ITGBL1: variants seen among roughly 807,000 people sequenced by gnomAD.
ITGBL1 encodes the protein integrin beta-like protein 1.
Under a neutral mutation model 68.5 loss-of-function variants are expected in ITGBL1, and 51 were observed. That is an observed-to-expected ratio of 0.74 (90% CI 0.59 to 0.94). The LOEUF (loss-of-function observed/expected upper bound fraction) is 0.94, where lower values mean the gene tolerates loss of function less well. Among genes scored for constraint, ITGBL1 ranks in the 40% least tolerant of loss-of-function variants. The probability of loss-of-function intolerance (pLI) is 0.00; values close to 1 mark genes in which losing one functional copy is unlikely to be tolerated. For synonymous variants in ITGBL1, 209 were observed against 227.3 expected, an observed-to-expected ratio of 0.92 and a Z score of 0.72; for missense variants, 649 against 647.4, an observed-to-expected ratio of 1.00 and a Z score of -0.03.
chr13:101,533,734 A>T (rs1594871530), intron 2 of ITGBL1, among the ~76,000 whole-genome samples: 1 of 148,862 alleles, frequency 6.7e-6, no homozygotes, highest in Non-Finnish European at 1.5e-5. Flanking sequence ...TATGATTTCC[A>T]ATGCTGAAGT....
intron 2 of ITGBL1, among the ~76,000 whole-genome samples, chr13:101,485,807 A>AAAAC (rs2048694726): frequency 6.6e-6 from 1 of 152,104 alleles, no homozygotes; most frequent in Non-Finnish European, 1.5e-5. Context: ...AAAACAAAAC[A>AAAAC]AAAGAATGGC....
intron 8 of ITGBL1, among the ~76,000 whole-genome samples, chr13:101,696,726 C>T (rs1356488688): frequency 6.6e-6 from 1 of 152,136 alleles, no homozygotes; most frequent in Non-Finnish European, 1.5e-5. Flanking sequence ...CTACAATTCT[C>T]ATGGATATAA....
intron 2 of ITGBL1, among the ~76,000 whole-genome samples, chr13:101,540,341 A>T (rs1045025181): frequency 2.0e-5 from 3 of 152,074 alleles, no homozygotes; most frequent in Non-Finnish European, 2.9e-5. Flanking sequence ...TTTGTCAGGT[A>T]TGTCAAAGAT....
intron 10 of ITGBL1, 33 bp downstream of exon 10, chr13:101,714,584 C>A: frequency 2.4e-6 from 3 of 1,270,410 alleles, no homozygotes; most frequent in Non-Finnish European, 3.5e-6. Context: ...TTGCTCTATG[C>A]CACAGTTTGT....
At position 101,692,633 on chromosome 13, in the gene ITGBL1, G is replaced by A. The variant is rs1007969746; in HGVS notation, c.1064G>A (p.Arg355Gln). The A allele has an allele frequency of 3.7e-6, 6 of 1,613,712 alleles. No individual in the cohort carries two copies. Among genetic ancestry groups the A allele is most frequent in the South Asian group, 3.3e-5 (3 of 91,082 alleles). ...KCTCYPPGDR[R>Q]VYGKTCECDD... ...ACCTGCTATCCTCCAGGAGATCGCC[G>A]GGTGTATGGCAAGACTTGTGAGTGT... Residue 355 changes from arginine (R) to glutamine (Q), a missense_variant, in exon 8 of 11, where the codon CGG becomes CAG. Coordinates refer to ENST00000376180, the MANE Select transcript of ITGBL1 (RefSeq NM_004791.3).
chr13:101,624,668 G>A (rs2139395000), intron 7 of ITGBL1, among the ~76,000 whole-genome samples: 1 of 152,276 alleles, frequency 6.6e-6, no homozygotes, highest in Admixed American at 6.5e-5. Context: ...GAATCAGGCA[G>A]GAAGGCCCAG....
At chr13:101,678,502 CTT>C (rs34943103) in intron 7 of ITGBL1, among the ~76,000 whole-genome samples, 11 of 143,228 alleles carry the variant, frequency 7.7e-5, no homozygotes, top group Admixed American at 1.4e-4. Context: ...TTCACTGAGA[CTT>C]TTTTTTTTTT....
At chr13:101,536,549 A>T (rs1297929864) in intron 2 of ITGBL1, among the ~76,000 whole-genome samples, 1 of 152,014 alleles carries the variant, frequency 6.6e-6, no homozygotes, top group Non-Finnish European at 1.5e-5. Flanking sequence ...TAACTTTATG[A>T]TTTGAGGCAA....
chr13:101,700,631 C>T (rs972325029), intron 8 of ITGBL1, among the ~76,000 whole-genome samples: 3 of 151,112 alleles, frequency 2.0e-5, no homozygotes, highest in African/African-American at 7.3e-5. Flanking sequence ...ATTTTTTTTA[C>T]CAAGAGTAAA....
chr13:101,699,946 A>G (rs965040605), intron 8 of ITGBL1, among the ~76,000 whole-genome samples: 18 of 152,112 alleles, frequency 1.2e-4, no homozygotes, highest in African/African-American at 4.1e-4. Context: ...AGACAACACA[A>G]TCTTAGTTTT....
chr13:101,607,107 T>C lies in ITGBL1; in HGVS notation c.1015+8808T>C, dbSNP rs987467729. On this transcript the variant is annotated intron_variant, in intron 7 of 10. Coordinates refer to ENST00000376180, the MANE Select transcript of ITGBL1 (RefSeq NM_004791.3). ...TATTTTATAAATGATGTGTTTATGCTCTTCTGTCAACAGCATTTATGTGCA... is the reference window on the plus strand; with the variant it reads ...TATTTTATAAATGATGTGTTTATGCCCTTCTGTCAACAGCATTTATGTGCA... Among the ~76,000 whole-genome samples the C allele has an allele frequency of 3.3e-5, 5 of 152,032 alleles. No homozygotes were observed. In the East Asian group the frequency reaches 9.6e-4, roughly 29 times the overall value.
chr13:101,630,421 C>T (rs1046652992), intron 7 of ITGBL1, among the ~76,000 whole-genome samples: 2 of 152,042 alleles, frequency 1.3e-5, no homozygotes, highest in Non-Finnish European at 2.9e-5. Flanking sequence ...GTATTTCTCA[C>T]TTGTATATTT....
chr13:101,694,525 G>C (rs1254585429), intron 8 of ITGBL1, among the ~76,000 whole-genome samples: 2 of 152,036 alleles, frequency 1.3e-5, no homozygotes, highest in African/African-American at 4.8e-5. Context: ...CTAGGCTCAA[G>C]CAATCCTCTG....
At chr13:101,675,730 T>TTATCCATTATTTCTTCAAATGTCC (rs771526572) in intron 7 of ITGBL1, among the ~76,000 whole-genome samples, 121 of 152,310 alleles carry the variant, frequency 7.9e-4, no homozygotes, top group Middle Eastern at 6.8e-3. Flanking sequence ...TGTAAATGTC[T>TTATCCATTATTTCTTCAAATGTCC]TATCCATTAT....
intron 7 of ITGBL1, among the ~76,000 whole-genome samples, chr13:101,656,539 G>A (rs1240760403): frequency 6.6e-6 from 1 of 152,138 alleles, no homozygotes; most frequent in African/African-American, 2.4e-5. Flanking sequence ...TGTAGGGCAT[G>A]ACTTTCTAGA....
chr13:101,547,199 T>A (rs1474448692), intron 2 of ITGBL1, among the ~76,000 whole-genome samples: 1 of 151,890 alleles, frequency 6.6e-6, no homozygotes, highest in Non-Finnish European at 1.5e-5. Flanking sequence ...TATTGCTAAT[T>A]TTTTCTTGTT....
At chr13:101,689,211 T>TAAAAAAAACAAAAAAAAAAAAAAAA (rs2033824619) in intron 7 of ITGBL1, among the ~76,000 whole-genome samples, 1 of 74,868 alleles carries the variant, frequency 1.3e-5, no homozygotes, top group Non-Finnish European at 2.6e-5. Context: ...AGACTCTGCC[T>TAAAAAAAACAAAAAAAAAAAAAAAA]AAAAAAAAAA....
intron 2 of ITGBL1, among the ~76,000 whole-genome samples, chr13:101,498,294 T>C (rs548549324): frequency 2.0e-5 from 3 of 152,302 alleles, no homozygotes; most frequent in Admixed American, 6.5e-5. Context: ...CCCTTGCAGA[T>C]GTGAACAAGC....
intron 7 of ITGBL1, among the ~76,000 whole-genome samples, chr13:101,666,621 A>G (rs890247330): frequency 6.6e-6 from 1 of 151,164 alleles, no homozygotes; most frequent in African/African-American, 2.4e-5. Flanking sequence ...ATTTTGTTTT[A>G]TTTTTGTTTG....
Sources: allele counts gnomAD v4.1 joint callset (sites outside exome capture counted in the v4.1 genomes callset), GRCh38; gene constraint gnomAD v4.1.1; transcripts MANE v1.5; gene names NCBI Gene and HGNC (gene_info 2026-07-23, HGNC 2026-07-21).